Variants in FGF14 observed in about 807,000 individuals in gnomAD.
The protein encoded by FGF14 is fibroblast growth factor 14, also known as fibroblast growth factor homologous factor 4.
A neutral mutation model predicts 25.5 loss-of-function variants in FGF14; 5 were observed. The observed-to-expected ratio is 0.20, with a 90% CI of 0.10 to 0.41. The LOEUF (loss-of-function observed/expected upper bound fraction) is 0.41. Among genes scored for constraint, FGF14 ranks in the 10% least tolerant of loss-of-function variants. The pLI, the probability that FGF14 is intolerant of heterozygous loss-of-function variation, is 1.00. For synonymous variants in FGF14, 138 were observed against 118.3 expected (o/e 1.17, Z -1.08); for missense variants, 222 against 320.1 (o/e 0.69, Z 2.34).
chr13:102,180,213 T>C (rs1207702128), intron 1 of FGF14, among the ~76,000 whole-genome samples: 3 of 152,212 alleles, frequency 2.0e-5, no homozygotes, highest in East Asian at 1.9e-4. Flanking sequence ...CTGTTGACAG[T>C]ATGAATGTTA....
chr13:102,383,275 TAAC>T (rs1010380150), intron 1 of FGF14, among the ~76,000 whole-genome samples: 17 of 152,154 alleles, frequency 1.1e-4, no homozygotes, highest in African/African-American at 3.6e-4. Flanking sequence ...ATTTCTTAAA[TAAC>T]AAAAAAGTTC....
intron 1 of FGF14, among the ~76,000 whole-genome samples, chr13:102,235,913 G>C (rs1195379272): frequency 4.6e-5 from 7 of 152,178 alleles, no homozygotes; most frequent in African/African-American, 1.7e-4. Context: ...ACTTGTAACA[G>C]ACCCAGCAAA....
chr13:101,951,792 T>C (rs61965225), intron 1 of FGF14, among the ~76,000 whole-genome samples: 1 of 152,184 alleles, frequency 6.6e-6, no homozygotes, highest in Non-Finnish European at 1.5e-5. Context: ...TGCAGCAGCA[T>C]CATCATTTAT....
intron 1 of FGF14, among the ~76,000 whole-genome samples, chr13:102,344,127 A>G (rs1325286978): frequency 1.3e-5 from 2 of 152,246 alleles, no homozygotes; most frequent in African/African-American, 4.8e-5. Context: ...TCAATCACTT[A>G]CGAAATGATC....
intron 1 of FGF14, among the ~76,000 whole-genome samples, chr13:101,884,864 TAC>T (rs777387703): frequency 6.7e-6 from 1 of 148,150 alleles, no homozygotes; most frequent in Non-Finnish European, 1.5e-5. Context: ...CACAGACACA[TAC>T]ATACACACAC....
intron 1 of FGF14, among the ~76,000 whole-genome samples, chr13:101,910,023 C>T (rs942216800): frequency 2.0e-5 from 3 of 150,648 alleles, no homozygotes; most frequent in Non-Finnish European, 2.9e-5. Context: ...CGTTCTCACT[C>T]ATAGGTGGGA....
chr13:101,837,748 G>A (rs2042996600), intron 3 of FGF14, among the ~76,000 whole-genome samples: 1 of 151,994 alleles, frequency 6.6e-6, no homozygotes, highest in South Asian at 2.1e-4. Context: ...AATATATTCT[G>A]ATTGTCCTTG....
At chr13:101,766,412 G>C (rs2038397558) in intron 3 of FGF14, among the ~76,000 whole-genome samples, 1 of 152,136 alleles carries the variant, frequency 6.6e-6, no homozygotes, top group Non-Finnish European at 1.5e-5. Flanking sequence ...TGCCCTCCAG[G>C]ATTGCACAGA....
intron 1 of FGF14, among the ~76,000 whole-genome samples, chr13:101,988,339 T>A (rs1361122883): frequency 6.6e-6 from 1 of 151,790 alleles, no homozygotes; most frequent in African/African-American, 2.4e-5. Context: ...GAAAAAGGGG[T>A]AACTGGCTAG....
chr13:101,743,136 A>G (rs1594097562), intron 3 of FGF14, among the ~76,000 whole-genome samples: 2 of 152,186 alleles, frequency 1.3e-5, no homozygotes, highest in African/African-American at 4.8e-5. Context: ...TATAAAACCA[A>G]GTTTTGCCCC....
chr13:101,770,809 T>C (rs924074214), intron 3 of FGF14, among the ~76,000 whole-genome samples: 9 of 152,084 alleles, frequency 5.9e-5, no homozygotes, highest in African/African-American at 1.9e-4. Flanking sequence ...ACCTAATCAA[T>C]AGTACTCAAA....
At chr13:102,108,790 AAAAGGATTTT>A (rs2045062121) in intron 1 of FGF14, among the ~76,000 whole-genome samples, 1 of 152,238 alleles carries the variant, frequency 6.6e-6, no homozygotes. Context: ...CAAACAGGAT[AAAAGGATTTT>A]AAAGAAAAGC....
At chr13:101,912,004 GTTT>G (rs5806256) in intron 1 of FGF14, among the ~76,000 whole-genome samples, 20 of 140,336 alleles carry the variant, frequency 1.4e-4, no homozygotes, top group African/African-American at 4.9e-4. Context: ...CAAAAACAGT[GTTT>G]TTTTTTTTTT....
intron 3 of FGF14, among the ~76,000 whole-genome samples, chr13:101,846,922 G>T (rs1044689428): frequency 1.7e-4 from 26 of 152,142 alleles, no homozygotes; most frequent in African/African-American, 6.3e-4. Flanking sequence ...ATTGGGAGAA[G>T]AAGTCATGCA....
intron 1 of FGF14, among the ~76,000 whole-genome samples, chr13:101,899,088 T>A (rs1231753263): frequency 6.6e-6 from 1 of 152,132 alleles, no homozygotes; most frequent in Non-Finnish European, 1.5e-5. Flanking sequence ...AAACTATACG[T>A]TAGCCAAAAA....
At position 102,085,360 on chromosome 13, in the gene FGF14, T is replaced by C. The variant is rs551883482; in HGVS notation, c.209-210064A>G. 4.6e-5 allele frequency among the ~76,000 whole-genome samples: 7 copies of C among 152,292 alleles called. No homozygotes were observed. The South Asian group carries it at 1.5e-3, about 32-fold the overall frequency. ...TCTGAAAACAATCCTAAAATGAAGA[T>C]TCCCTCACCCCAAATCCCTCAACTG... On this transcript the variant is annotated intron_variant, in intron 1 of 4. Coordinates refer to the FGF14 transcript ENST00000376131.
intron 1 of FGF14, among the ~76,000 whole-genome samples, chr13:102,161,830 A>T (rs910323375): frequency 3.1e-5 from 4 of 129,024 alleles, no homozygotes; most frequent in Admixed American, 7.7e-5. Flanking sequence ...GAAGATAATT[A>T]AAAAAAAAAA....
chr13:101,824,867 A>T (rs1370598085), intron 3 of FGF14, among the ~76,000 whole-genome samples: 3 of 152,180 alleles, frequency 2.0e-5, no homozygotes, highest in Admixed American at 2.0e-4. Context: ...AAAACTTAAA[A>T]GGACAAGGTT....
rs79501505 is a variant in FGF14 at position 101,819,160 on chromosome 13, G to A, written c.408+49565C>T. On this transcript the variant is annotated intron_variant, in intron 3 of 4. Coordinates refer to ENST00000376143, the MANE Select transcript of FGF14 (RefSeq NM_004115.4). ...TACAGTAGAGTAAACTAAAGCTCAG[G>A]GAGCTTAGAGAAGTCACTAATACCT... is the stretch of plus-strand genomic sequence containing the variant. Among the ~76,000 whole-genome samples, 729 of 152,204 alleles carry A rather than the reference G, an allele frequency of 4.8e-3. 5 individuals are homozygous for A. Among genetic ancestry groups the A allele is most frequent in the African/African-American group, 0.017 (686 of 41,522 alleles).
Sources: allele counts gnomAD v4.1 joint callset (sites outside exome capture counted in the v4.1 genomes callset), GRCh38; gene constraint gnomAD v4.1.1; transcripts MANE v1.5; gene names NCBI Gene and HGNC (gene_info 2026-07-23, HGNC 2026-07-21).